CCHCR1: variants seen among roughly 807,000 people sequenced by gnomAD.
CCHCR1 encodes the protein HCR (a-helix coiled-coil rod homologue).
CCHCR1 carries 91 observed loss-of-function variants against 114.6 expected under a neutral mutation model. That is an observed-to-expected ratio of 0.79 (90% CI 0.67 to 0.94). CCHCR1 has a LOEUF of 0.94. Ranked by LOEUF, CCHCR1 falls within the 40% of genes least tolerant of loss-of-function variation. The pLI is 0.00. For missense variants in CCHCR1, 899 were observed against 1,079.9 expected, an observed-to-expected ratio of 0.83 and a Z score of 2.35; for synonymous variants, 379 against 428.5, an observed-to-expected ratio of 0.88 and a Z score of 1.43.
chr6:31,149,815 C>T (rs928855656), intron 8 of CCHCR1: 12 of 486,518 alleles, frequency 2.5e-5, no homozygotes, highest in Non-Finnish European at 3.6e-5. Context: ...CCAAAGTGAT[C>T]GCATTATAGG....
intron 1 of CCHCR1, 68 bp downstream of exon 1, chr6:31,157,317 A>T: frequency 7.3e-7 from 1 of 1,372,114 alleles, no homozygotes; most frequent in African/African-American, 1.4e-5. Context: ...GAATTTACTG[A>T]AAGAGACAGA....
intron 3 of CCHCR1, among the ~76,000 whole-genome samples, chr6:31,155,283 C>T (rs1775825608): frequency 6.6e-6 from 1 of 152,072 alleles, no homozygotes; most frequent in Admixed American, 6.5e-5. Flanking sequence ...CTTCCAGTAT[C>T]AATATGGTGA....
At position 31,157,744 on chromosome 6, in the gene CCHCR1, C is replaced by A; in HGVS notation, c.-144G>T. The A allele has an allele frequency of 1.5e-6, 1 of 651,004 alleles. No individual in the cohort carries two copies. Among genetic ancestry groups the A allele is most frequent in the South Asian group, 1.9e-5 (1 of 51,820 alleles). The allele number at this position is 651,004 out of a possible 1,614,324, so 40.3% of individuals were successfully genotyped here. Reference sequence around the variant, plus strand: ...TCTACTATCCCCTTAGCTTCCATGCCTGCTGCCCGCCTCCTCTTTCTCGAG... The same window carrying A: ...TCTACTATCCCCTTAGCTTCCATGCATGCTGCCCGCCTCCTCTTTCTCGAG... On this transcript the variant is annotated 5_prime_UTR_variant, in exon 1 of 18. The change creates a new upstream start codon in the 5' untranslated region. Transcript: ENST00000396268.
chr6:31,157,023 C>G lies in CCHCR1; in HGVS notation c.283G>C (p.Gly95Arg), dbSNP rs1776121164. 6.2e-7 allele frequency: 1 copy of G among 1,612,122 alleles called. No individual in the cohort carries two copies. Among genetic ancestry groups the G allele is most frequent in the Non-Finnish European group, 8.5e-7 (1 of 1,179,324 alleles). Residue 95 changes from glycine (G) to arginine (R), a missense_variant and splice_region_variant, in exon 2 of 18, where the codon GGT (glycine) becomes CGT (arginine). By Grantham distance (125) the Gly-to-Arg change is moderately radical. Coordinates refer to ENST00000396268, the MANE Select transcript of CCHCR1 (RefSeq NM_001105564.2). The part of the protein sequence containing the change: ...SNNVEMFPPS[G>R]STGLIPPSHF... Reference sequence around the variant, plus strand: ...ACTCCCCTTGTCTGGTCCCACTGACCTGAAGGTGGAAACATCTCCACATTA... The same window carrying G: ...ACTCCCCTTGTCTGGTCCCACTGACGTGAAGGTGGAAACATCTCCACATTA...
intron 9 of CCHCR1, 25 bp from the exon 10 acceptor site, chr6:31,148,536 G>A: frequency 6.2e-7 from 1 of 1,601,180 alleles, no homozygotes; most frequent in Non-Finnish European, 8.6e-7. Context: ...GCAAAGGACA[G>A]GGTCCCTCCC....
Position 31,154,616 on chromosome 6 carries a change from G to C in CCHCR1, c.681C>G (p.Ala227=). The stretch of plus-strand genomic sequence containing the variant: ...GCAGGCCCTCAGCCTCAGCTCGGCC[G>C]GCCTTCTCCGCCCGTGCCAGAGCCT... ...ELEALARAEK[A]GRAEAEGLRA... is the part of the protein sequence containing the mutation. The change falls in exon 4 of 18, where the codon GCC becomes GCG. Residue 227 remains alanine, a synonymous_variant. Coordinates refer to ENST00000396268, the MANE Select transcript of CCHCR1 (RefSeq NM_001105564.2). This position sits in a 1 kb window ranked among gnomAD's most constrained non-coding sequence, Gnocchi z 4.1. The C allele has an allele frequency of 6.2e-7, 1 of 1,612,914 alleles. No individual in the cohort carries two copies. The highest frequency in any genetic ancestry group is 8.5e-7 in the Non-Finnish European group (1 of 1,180,036).
Position 31,151,126 on chromosome 6 carries a change from C to T in CCHCR1, c.802-4G>A, listed in dbSNP as rs74705176. On this transcript the variant is annotated splice_polypyrimidine_tract_variant and splice_region_variant and intron_variant, in intron 4 of 17. Coordinates refer to ENST00000396268, the MANE Select transcript of CCHCR1 (RefSeq NM_001105564.2). The surrounding 1 kb of genome is among the most constrained non-coding windows in gnomAD (Gnocchi z 4.1). ...GAGCCTGTGTCAAAGAGGACAGCTG[C>T]GGAAAGAAGAGGGGGCTCAGCAGAG... The T allele has an allele frequency of 0.019, 31,099 of 1,610,554 alleles. 385 individuals are homozygous for T. The highest frequency in any genetic ancestry group is 0.022 in the Non-Finnish European group (25,986 of 1,178,882).
In CCHCR1 at chr6:31,142,926, G is replaced by A. The variant is rs755915149; in HGVS notation, c.2491+37C>T. The A allele has an allele frequency of 1.5e-5, 24 of 1,594,638 alleles. No homozygotes were observed. Among genetic ancestry groups the A allele is most frequent in the East Asian group, 2.2e-5 (1 of 44,770 alleles). ...TGAAGAGGAGATTCCTGAAGTGCGCGCATTTGTCCCTTGTCCCTTTGTGCT... is the reference window on the plus strand; with the variant it reads ...TGAAGAGGAGATTCCTGAAGTGCGCACATTTGTCCCTTGTCCCTTTGTGCT... On this transcript the variant is annotated intron_variant, in intron 17 of 17. Transcript: ENST00000396268.
intron 1 of CCHCR1, 50 bp downstream of exon 1, chr6:31,157,333 AGG>A (rs749062357): frequency 7.0e-7 from 1 of 1,429,064 alleles, no homozygotes. Flanking sequence ...ACAGACTGAG[AGG>A]GGCTCTGAGG....
chr6:31,149,933 A>C (rs1774968993), intron 8 of CCHCR1, 133 bp downstream of exon 8: 1 of 872,216 alleles, frequency 1.1e-6, no homozygotes, highest in African/African-American at 1.7e-5. Context: ...CAAGCTCCAC[A>C]TTTTAGTTTT....
chr6:31,153,767 A>T (rs989793412), intron 4 of CCHCR1, among the ~76,000 whole-genome samples: 7 of 151,948 alleles, frequency 4.6e-5, no homozygotes, highest in African/African-American at 1.7e-4. Flanking sequence ...TTTAGTAGAG[A>T]CAGGGTTTCG....
Position 31,144,515 on chromosome 6 carries a change from G to C in CCHCR1, c.2167+172C>G. On this transcript the variant is annotated intron_variant, in intron 15 of 17. Transcript: ENST00000396268. This position sits in a 1 kb window ranked among gnomAD's most constrained non-coding sequence, Gnocchi z 4.6. ...CGGCCATATGCTGTTTCTTAATCTG[G>C]TGCTGGCTACATGGGTGTGTTCACG... The C allele has an allele frequency of 1.7e-6, 1 of 602,044 alleles. No individual in the cohort carries two copies. Among genetic ancestry groups the C allele is most frequent in the South Asian group, 2.3e-5 (1 of 42,558 alleles). The allele number at this position is 602,044 out of a possible 1,614,324, so 37.3% of individuals were successfully genotyped here. A position where few individuals can be genotyped will look rare whatever the true frequency, so the allele number is the denominator to read the frequency against.
Position 31,150,404 on chromosome 6 carries a change from A to G in CCHCR1, c.1212+51T>C. The G allele has an allele frequency of 1.3e-6, 2 of 1,495,044 alleles. No individual in the cohort carries two copies. Among genetic ancestry groups the G allele is most frequent in the Middle Eastern group, 2.1e-4 (1 of 4,852 alleles). 92.6% of individuals were successfully genotyped at this position (1,495,044 alleles called of 1,614,324 possible). A position where few individuals can be genotyped will look rare whatever the true frequency, so the allele number is the denominator to read the frequency against. ...GCCCACAGGGAGGGAGGCAGGGGAC[A>G]GTAGATGCAGGATGCGGCTGAGGGT... On this transcript the variant is annotated intron_variant, in intron 7 of 17. Transcript: ENST00000396268. This position sits in a 1 kb window ranked among gnomAD's most constrained non-coding sequence, Gnocchi z 5.3.
At chr6:31,146,542 G>T (rs1561800394) in intron 10 of CCHCR1, among the ~76,000 whole-genome samples, 1 of 152,160 alleles carries the variant, frequency 6.6e-6, no homozygotes. Flanking sequence ...GTTTCCTCAG[G>T]AGAGTCCAGG....
chr6:31,143,275 T>C lies in CCHCR1; in HGVS notation c.2306A>G (p.Lys769Arg), dbSNP rs1418715871. The C allele has an allele frequency of 6.2e-7, 1 of 1,612,636 alleles. No individual in the cohort carries two copies. Among genetic ancestry groups the C allele is most frequent in the African/African-American group, 1.3e-5 (1 of 74,936 alleles). The stretch of plus-strand genomic sequence containing the variant: ...CCTGTCTCCTACCAGCATGAGGTTC[T>C]TATCCCTCTCTAGCTCCTGCAAGCG... ...ARRLQELERD[K>R]NLMLATLQQE... The change falls in exon 16 of 18, where the codon AAG becomes AGG. Residue 769 changes from lysine to arginine, a missense_variant. Physicochemically the swap from Lys to Arg is conservative, Grantham distance 26 (BLOSUM62 2). Transcript: ENST00000396268. This position sits in a 1 kb window ranked among gnomAD's most constrained non-coding sequence, Gnocchi z 5.3.
chr6:31,150,230 G>A lies in CCHCR1; in HGVS notation c.1213-15C>T. The stretch of plus-strand genomic sequence containing the variant: ...GAAGGTTGAACCTGAGGGAGAAGGA[G>A]TGGGAGAAAAGTGTGGGCTCCTGGG... On this transcript the variant is annotated splice_polypyrimidine_tract_variant and intron_variant, in intron 7 of 17. Coordinates refer to ENST00000396268, the MANE Select transcript of CCHCR1 (RefSeq NM_001105564.2). This position sits in a 1 kb window ranked among gnomAD's most constrained non-coding sequence, Gnocchi z 5.3. 6.2e-7 allele frequency: 1 copy of A among 1,613,698 alleles called. No homozygotes were observed. Among genetic ancestry groups the A allele is most frequent in the Non-Finnish European group, 8.5e-7 (1 of 1,179,732 alleles).
Position 31,150,364 on chromosome 6 carries a change from A to C in CCHCR1, c.1212+91T>G. 1 of 1,342,730 alleles carries C rather than the reference A, an allele frequency of 7.4e-7. No homozygotes were observed. Among genetic ancestry groups the C allele is most frequent in the Non-Finnish European group, 1.1e-6 (1 of 950,844 alleles). 83.2% of individuals were successfully genotyped at this position (1,342,730 alleles called of 1,614,324 possible). A position where few individuals can be genotyped will look rare whatever the true frequency, so the allele number is the denominator to read the frequency against. ...AGGAGATCTAAGCAGGTTCTGGGGC[A>C]CATTGACCCCTCCTGCCCACAGGGA... On this transcript the variant is annotated intron_variant, in intron 7 of 17. Transcript: ENST00000396268. This position sits in a 1 kb window ranked among gnomAD's most constrained non-coding sequence, Gnocchi z 5.3.
rs374515904 is a variant in CCHCR1 at position 31,150,194 on chromosome 6, C to G, written c.1234G>C (p.Glu412Gln). The change falls in exon 8 of 18, where the codon GAG becomes CAG. Residue 412 changes from glutamate (E) to glutamine (Q), a missense_variant. Coordinates refer to ENST00000396268, the MANE Select transcript of CCHCR1 (RefSeq NM_001105564.2). This position sits in a 1 kb window ranked among gnomAD's most constrained non-coding sequence, Gnocchi z 5.3. The part of the protein sequence containing the change: ...TRKVQPSDSL[E>Q]PEFTRKCQSL... The stretch of plus-strand genomic sequence containing the variant: ...TGGCACTTCCTGGTAAACTCAGGCT[C>G]CAGGGAATCTGAAGGTTGAACCTGA... 2.5e-6 allele frequency: 4 copies of G among 1,614,156 alleles called. No individual in the cohort carries two copies. Among genetic ancestry groups the G allele is most frequent in the Non-Finnish European group, 3.4e-6 (4 of 1,180,020 alleles).
At position 31,156,973 on chromosome 6, in the gene CCHCR1, A is replaced by T. The variant is rs760390456; in HGVS notation, c.284-29T>A. The T allele has an allele frequency of 1.6e-5, 26 of 1,612,184 alleles. No individual in the cohort carries two copies. In the Admixed American group the frequency reaches 2.7e-4, roughly 17 times the overall value. ...AAGAATTACAAAAACAAAGATGGTC[A>T]GTTTCCCAGGCAGAGACAACCACCA... is the stretch of plus-strand genomic sequence containing the variant. On this transcript the variant is annotated intron_variant, in intron 2 of 17. Coordinates refer to ENST00000396268, the MANE Select transcript of CCHCR1 (RefSeq NM_001105564.2).
Sources: allele counts gnomAD v4.1 joint callset (sites outside exome capture counted in the v4.1 genomes callset), GRCh38; gene constraint gnomAD v4.1.1; non-coding constraint Gnocchi (gnomAD v3.1); transcripts MANE v1.5; gene names NCBI Gene and HGNC (gene_info 2026-07-23, HGNC 2026-07-21).